SPOCK1: variants seen among roughly 807,000 people sequenced by gnomAD.
SPOCK1 encodes SPARC (osteonectin), cwcv and kazal like domains proteoglycan 1.
SPOCK1 carries 23 observed loss-of-function variants against 55.3 expected under a neutral mutation model. The observed-to-expected ratio is 0.42, with a 90% CI of 0.30 to 0.59. SPOCK1 has a LOEUF of 0.59. SPOCK1 is among the 20% of genes least tolerant of loss of function. SPOCK1 has a pLI of 0.22. For missense variants in SPOCK1, 499 were observed against 552.5 expected (o/e 0.90, Z 0.97); for synonymous variants, 226 against 221.0 (o/e 1.02, Z -0.20).
At chr5:137,295,554 A>G (rs1206569143) in intron 2 of SPOCK1, among the ~76,000 whole-genome samples, 1 of 152,230 alleles carries the variant, frequency 6.6e-6, no homozygotes, top group Admixed American at 6.5e-5. Flanking sequence ...CAATTTTACA[A>G]TTGCAATGAA....
At chr5:137,490,490 C>T (rs1350669616) in intron 2 of SPOCK1, among the ~76,000 whole-genome samples, 1 of 152,270 alleles carries the variant, frequency 6.6e-6, no homozygotes, top group African/African-American at 2.4e-5. Flanking sequence ...AATACACAGG[C>T]CGGTTGGATC....
chr5:137,239,480 C>T (rs1466436827), intron 3 of SPOCK1, among the ~76,000 whole-genome samples: 4 of 152,148 alleles, frequency 2.6e-5, no homozygotes, highest in South Asian at 2.1e-4. Context: ...GGTGTGGGAA[C>T]TCCTGAATGT....
intron 2 of SPOCK1, among the ~76,000 whole-genome samples, chr5:137,365,828 C>T (rs1031803628): frequency 1.4e-4 from 22 of 152,172 alleles, no homozygotes; most frequent in African/African-American, 5.3e-4. Flanking sequence ...TTAAATATTA[C>T]TCATGCAATC....
intron 6 of SPOCK1, among the ~76,000 whole-genome samples, chr5:137,044,347 C>T (rs1580722894): frequency 2.0e-5 from 3 of 152,220 alleles, no homozygotes; most frequent in Admixed American, 6.5e-5. Flanking sequence ...TTCACTTTAT[C>T]GTGAAAGTTT....
intron 3 of SPOCK1, 27 bp from the exon 4 acceptor site, chr5:137,140,721 G>A: frequency 7.3e-7 from 1 of 1,370,212 alleles, no homozygotes; most frequent in Non-Finnish European, 1.0e-6. Context: ...AAGGAGGGCA[G>A]GGTTTAGGAC....
At chr5:136,985,366 C>CTAGTTAAAAAACAAACCTCATACCACA (rs1453981332) in intron 8 of SPOCK1, among the ~76,000 whole-genome samples, 164 bp from the exon 9 acceptor site, 5 of 152,152 alleles carry the variant, frequency 3.3e-5, no homozygotes, top group African/African-American at 7.2e-5. Context: ...ATTAGTGTTA[C>CTAGTTAAAAAACAAACCTCATACCACA]TAGTTAAAAA....
chr5:137,460,923 T>C (rs1404380208), intron 2 of SPOCK1, among the ~76,000 whole-genome samples: 1 of 152,164 alleles, frequency 6.6e-6, no homozygotes, highest in Non-Finnish European at 1.5e-5. Flanking sequence ...TCCACTCAAC[T>C]TTCTACAAGG....
intron 2 of SPOCK1, among the ~76,000 whole-genome samples, chr5:137,480,101 AG>A (rs1753918229): frequency 6.6e-6 from 1 of 152,234 alleles, no homozygotes; most frequent in Admixed American, 6.5e-5. Context: ...CTTACTTTTA[AG>A]GCTAAAAATG....
At chr5:137,311,794 T>C (rs564713299) in intron 2 of SPOCK1, among the ~76,000 whole-genome samples, 3 of 152,266 alleles carry the variant, frequency 2.0e-5, no homozygotes, top group Admixed American at 1.3e-4. Flanking sequence ...TATACTGTTT[T>C]TTAATTATGA....
intron 4 of SPOCK1, among the ~76,000 whole-genome samples, chr5:137,138,712 CCA>C (rs1491368578): frequency 1.5e-3 from 192 of 124,150 alleles, no homozygotes; most frequent in African/African-American, 3.5e-3. Context: ...CCCCCCCCCC[CCA>C]AAAAAAAGTG....
chr5:137,381,900 A>G (rs942196589), intron 2 of SPOCK1, among the ~76,000 whole-genome samples: 1 of 152,190 alleles, frequency 6.6e-6, no homozygotes, highest in Admixed American at 6.5e-5. Flanking sequence ...TCCACCAAAA[A>G]TGGGTTTTTT....
chr5:137,187,258 G>A (rs193108664), intron 3 of SPOCK1, among the ~76,000 whole-genome samples: 1 of 152,298 alleles, frequency 6.6e-6, no homozygotes, highest in Admixed American at 6.5e-5. Flanking sequence ...TCATCTGTCA[G>A]CAGCCTGCTT....
At chr5:137,070,456 G>A (rs1318033470) in intron 5 of SPOCK1, among the ~76,000 whole-genome samples, 1 of 152,186 alleles carries the variant, frequency 6.6e-6, no homozygotes, top group Non-Finnish European at 1.5e-5. Flanking sequence ...CATACACAGA[G>A]CCCTGGCATA....
At chr5:137,235,149 T>A (rs4976422) in intron 3 of SPOCK1, among the ~76,000 whole-genome samples, 25,803 of 152,172 alleles carry the variant, frequency 0.17, 2,476 homozygotes, top group South Asian at 0.26. Flanking sequence ...AGCGTCACTT[T>A]GTCTTTCCTG....
At chr5:137,468,541 T>C (rs926121886) in intron 2 of SPOCK1, among the ~76,000 whole-genome samples, 4 of 152,216 alleles carry the variant, frequency 2.6e-5, no homozygotes, top group African/African-American at 9.6e-5. Flanking sequence ...AATATACTTA[T>C]GACAAATGGC....
chr5:137,160,600 T>TATATATA (rs1401228477), intron 3 of SPOCK1, among the ~76,000 whole-genome samples: 5 of 58,778 alleles, frequency 8.5e-5, no homozygotes, highest in African/African-American at 4.3e-4. Context: ...TATAATATAT[T>TATATATA]ATATATAATA....
chr5:137,029,819 A>G (rs1020839499), intron 6 of SPOCK1, among the ~76,000 whole-genome samples: 2 of 152,184 alleles, frequency 1.3e-5, no homozygotes, highest in African/African-American at 4.8e-5. Flanking sequence ...ACATAGTGAG[A>G]TCCCTTCTGT....
chr5:137,418,957 C>T (rs150438820), intron 2 of SPOCK1, among the ~76,000 whole-genome samples: 12,165 of 152,056 alleles, frequency 0.08, 1,223 homozygotes, highest in African/African-American at 0.24. Context: ...GTCTTTAATC[C>T]ATCTTGAATT....
intron 6 of SPOCK1, among the ~76,000 whole-genome samples, chr5:137,023,232 C>G (rs932655375): frequency 1.3e-5 from 2 of 152,102 alleles, no homozygotes; most frequent in African/African-American, 4.8e-5. Flanking sequence ...GTTCTTAGAA[C>G]TTTGATATAT....
Sources: allele counts gnomAD v4.1 joint callset (sites outside exome capture counted in the v4.1 genomes callset), GRCh38; gene constraint gnomAD v4.1.1; transcripts MANE v1.5; gene names NCBI Gene and HGNC (gene_info 2026-07-23, HGNC 2026-07-21).